CNNM2: variants seen among roughly 807,000 people sequenced by gnomAD.
CNNM2 encodes metal transporter CNNM2.
Under a neutral mutation model 66.9 loss-of-function variants are expected in CNNM2, and 12 were observed. The ratio of observed to expected loss-of-function variants is 0.18; its 90% CI spans 0.11 to 0.29. CNNM2 has a LOEUF of 0.29. Among genes scored for constraint, CNNM2 ranks in the 10% least tolerant of loss-of-function variants. The probability of loss-of-function intolerance (pLI) is 1.00; values close to 1 mark genes in which losing one functional copy is unlikely to be tolerated. For synonymous variants in CNNM2, 557 were observed against 501.8 expected, an observed-to-expected ratio of 1.11 and a Z score of -1.47; for missense variants, 705 against 1,167.7, an observed-to-expected ratio of 0.60 and a Z score of 5.77.
At position 102,943,713 on chromosome 10, in the gene CNNM2, G is replaced by C. The variant is rs539226483; in HGVS notation, c.1621+23612G>C. 4.6e-4 allele frequency among the ~76,000 whole-genome samples: 70 copies of C among 152,196 alleles called. No homozygotes were observed. The South Asian group carries it at 0.01, about 22-fold the overall frequency. ...CTTGTTTTTATTTTCTGTCTAAAAT[G>C]GCTAATCTCATAACTGCATGTCATA... On this transcript the variant is annotated intron_variant, in intron 1 of 7. Transcript: ENST00000369878.
intron 1 of CNNM2, among the ~76,000 whole-genome samples, chr10:103,031,987 G>A (rs1004706850): frequency 3.3e-5 from 5 of 152,198 alleles, no homozygotes; most frequent in African/African-American, 4.8e-5. Context: ...ACTGATGCAC[G>A]AGCATGAAGC....
chr10:102,991,989 T>G (rs1386914891), intron 1 of CNNM2, among the ~76,000 whole-genome samples: 1 of 152,192 alleles, frequency 6.6e-6, no homozygotes. Context: ...TTTTTATAGC[T>G]TTTCTCTATA....
chr10:102,999,404 C>T (rs1302059618), intron 1 of CNNM2, among the ~76,000 whole-genome samples: 2 of 151,934 alleles, frequency 1.3e-5, no homozygotes, highest in East Asian at 1.9e-4. Flanking sequence ...TATTTCTATA[C>T]ACTTGGATCT....
chr10:102,993,355 GGAA>G (rs1298726190), intron 1 of CNNM2, among the ~76,000 whole-genome samples: 1 of 152,084 alleles, frequency 6.6e-6, no homozygotes, highest in African/African-American at 2.4e-5. Flanking sequence ...AATTTTTGTG[GGAA>G]GAAGATTAAG....
chr10:102,973,963 A>G (rs969793927), intron 1 of CNNM2, among the ~76,000 whole-genome samples: 1 of 152,052 alleles, frequency 6.6e-6, no homozygotes, highest in African/African-American at 2.4e-5. Context: ...ATCCATCTCC[A>G]TGCAATTGCT....
intron 1 of CNNM2, among the ~76,000 whole-genome samples, chr10:103,043,615 C>T (rs1564858195): frequency 6.6e-6 from 1 of 152,168 alleles, no homozygotes; most frequent in Non-Finnish European, 1.5e-5. Context: ...AAATAATAAA[C>T]TTTAATTTGT....
intron 1 of CNNM2, among the ~76,000 whole-genome samples, chr10:102,947,245 G>T (rs924829078): frequency 6.6e-6 from 1 of 151,924 alleles, no homozygotes; most frequent in African/African-American, 2.4e-5. Context: ...ACCCTATAAA[G>T]GGTTCAGTTT....
intron 1 of CNNM2, among the ~76,000 whole-genome samples, chr10:102,940,712 C>T (rs1846402270): frequency 6.8e-6 from 1 of 147,144 alleles, no homozygotes; most frequent in South Asian, 2.2e-4. Flanking sequence ...GCCACCGCGC[C>T]TGGTCCTTAT....
At chr10:103,010,021 T>G (rs1159071093) in intron 1 of CNNM2, among the ~76,000 whole-genome samples, 1 of 151,890 alleles carries the variant, frequency 6.6e-6, no homozygotes, top group Non-Finnish European at 1.5e-5. Context: ...TATTAAAATA[T>G]CATGTCAAAT....
intron 1 of CNNM2, among the ~76,000 whole-genome samples, chr10:103,011,840 G>A (rs961544398): frequency 2.6e-5 from 4 of 151,996 alleles, no homozygotes; most frequent in East Asian, 3.9e-4. Context: ...CTACAGGCAC[G>A]CGCCACCATG....
At chr10:103,049,994 A>G (rs2065189409) in intron 2 of CNNM2, 144 bp downstream of exon 2, 8 of 722,244 alleles carry the variant, frequency 1.1e-5, no homozygotes, top group South Asian at 4.1e-5. Context: ...CTGTTGGTAT[A>G]TTCCAGTCCT....
At chr10:102,954,762 A>G (rs1487043890) in intron 1 of CNNM2, among the ~76,000 whole-genome samples, 2 of 152,162 alleles carry the variant, frequency 1.3e-5, no homozygotes, top group Non-Finnish European at 2.9e-5. Flanking sequence ...GTTAAGAACC[A>G]CTTGCTGGCT....
At chr10:102,928,860 C>G (rs577471529) in intron 1 of CNNM2, among the ~76,000 whole-genome samples, 17 of 152,312 alleles carry the variant, frequency 1.1e-4, no homozygotes, top group African/African-American at 3.8e-4. Context: ...AGGACGCATT[C>G]AAACCATAGC....
At chr10:102,933,870 C>T (rs1846140422) in intron 1 of CNNM2, among the ~76,000 whole-genome samples, 1 of 152,206 alleles carries the variant, frequency 6.6e-6, no homozygotes, top group Non-Finnish European at 1.5e-5. Flanking sequence ...GGTCTCCCTC[C>T]ATTGCCCAGG....
chr10:102,927,056 A>G (rs1590259615), intron 1 of CNNM2, among the ~76,000 whole-genome samples: 1 of 149,998 alleles, frequency 6.7e-6, no homozygotes, highest in East Asian at 2.0e-4. Context: ...TATGTTTACA[A>G]GCGTGAGCCA....
chr10:102,922,823 C>A (rs1845702090), intron 1 of CNNM2, among the ~76,000 whole-genome samples: 1 of 151,858 alleles, frequency 6.6e-6, no homozygotes, highest in South Asian at 2.1e-4. Context: ...TGCCTGTGGT[C>A]CCAGCTCCTT....
intron 1 of CNNM2, among the ~76,000 whole-genome samples, chr10:103,039,380 G>A (rs969908287): frequency 5.3e-5 from 8 of 152,166 alleles, no homozygotes; most frequent in East Asian, 1.9e-4. Context: ...GAGGTGATCC[G>A]CCCGCCTCGG....
chr10:103,076,305 C>T (rs2065689834), intron 7 of CNNM2, 35 bp downstream of exon 7: 1 of 1,543,648 alleles, frequency 6.5e-7, no homozygotes, highest in Non-Finnish European at 8.8e-7. Context: ...CTGGACCTGG[C>T]AGTTAGTTGT....
chr10:103,058,457 G>A (rs946526532), intron 4 of CNNM2, among the ~76,000 whole-genome samples: 8 of 152,156 alleles, frequency 5.3e-5, no homozygotes, highest in African/African-American at 1.7e-4. Flanking sequence ...GTGGTTTTCA[G>A]TTGTCTACTT....
Sources: gnomAD v4.1 joint callset for allele counts (sites outside exome capture counted in the v4.1 genomes callset) on GRCh38, gnomAD v4.1.1 for gene constraint, MANE v1.5 for transcripts, NCBI Gene and HGNC (gene_info 2026-07-23, HGNC 2026-07-21) for gene names.